The following ASTN2 variants were observed in gnomAD, a reference collection of about 807,000 sequenced individuals.
ASTN2 encodes the protein astrotactin 2, also known as astrotactin-2.
ASTN2 carries 54 observed loss-of-function variants against 139.8 expected under a neutral mutation model. The observed-to-expected ratio is 0.39, with a 90% confidence interval of 0.31 to 0.48. The LOEUF (loss-of-function observed/expected upper bound fraction) is 0.48, where lower values mean the gene tolerates loss of function less well. ASTN2 is among the 20% of genes least tolerant of loss of function. ASTN2 has a pLI of 0.95. For missense variants in ASTN2, 1,565 were observed against 1,725.1 expected (o/e 0.91, Z 1.64); for synonymous variants, 756 against 719.5 (o/e 1.05, Z -0.81).
intron 13 of ASTN2, 90 bp from the exon 14 acceptor site, chr9:116,733,613 T>A (rs763216978): frequency 1.5e-4 from 232 of 1,533,742 alleles, no homozygotes; most frequent in Middle Eastern, 7.1e-4. Flanking sequence ...GTAGTCAGAA[T>A]AAAGACTCAT....
chr9:116,541,570 GCT>G (rs1851878716), intron 19 of ASTN2, among the ~76,000 whole-genome samples: 2 of 152,158 alleles, frequency 1.3e-5, no homozygotes, highest in Non-Finnish European at 2.9e-5. Context: ...AGGAATTACA[GCT>G]GATAGTACTA....
chr9:117,066,491 G>A (rs1400681143), intron 5 of ASTN2, among the ~76,000 whole-genome samples: 1 of 149,260 alleles, frequency 6.7e-6, no homozygotes. Context: ...GTGTGCATGT[G>A]TCTTTATACT....
intron 10 of ASTN2, among the ~76,000 whole-genome samples, chr9:116,893,438 C>T (rs1588390382): frequency 6.6e-6 from 1 of 152,184 alleles, no homozygotes; most frequent in South Asian, 2.1e-4. Context: ...ATTCTGCCCA[C>T]TCTAAAGCAG....
chr9:116,992,124 G>C (rs550831987), intron 7 of ASTN2, among the ~76,000 whole-genome samples: 5 of 152,130 alleles, frequency 3.3e-5, no homozygotes, highest in Non-Finnish European at 7.3e-5. Flanking sequence ...GGAGGATGGG[G>C]GCTTACATCC....
At chr9:116,712,225 C>T (rs1432899899) in intron 16 of ASTN2, among the ~76,000 whole-genome samples, 1 of 152,086 alleles carries the variant, frequency 6.6e-6, no homozygotes, top group East Asian at 1.9e-4. Flanking sequence ...TTCTCCATAC[C>T]CACCTGTGTT....
At chr9:116,482,368 AG>A (rs1320655126) in intron 20 of ASTN2, among the ~76,000 whole-genome samples, 2 of 152,070 alleles carry the variant, frequency 1.3e-5, no homozygotes, top group Non-Finnish European at 2.9e-5. Context: ...CCCTATCTCT[AG>A]GTTTATCATG....
At chr9:116,778,772 G>T (rs1830147237) in intron 13 of ASTN2, among the ~76,000 whole-genome samples, 1 of 152,142 alleles carries the variant, frequency 6.6e-6, no homozygotes, top group Admixed American at 6.5e-5. Flanking sequence ...ATACCCCTCT[G>T]CATTAAATAC....
At chr9:117,251,454 G>GA (rs1833536655) in intron 2 of ASTN2, among the ~76,000 whole-genome samples, 1 of 151,400 alleles carries the variant, frequency 6.6e-6, no homozygotes, top group Non-Finnish European at 1.5e-5. Context: ...CCTCTTCTTT[G>GA]AAAAAAACAT....
At chr9:117,314,337 A>G (rs546950480) in intron 1 of ASTN2, among the ~76,000 whole-genome samples, 42 of 152,168 alleles carry the variant, frequency 2.8e-4, no homozygotes, top group Middle Eastern at 6.8e-3. Context: ...ATGAAGACAC[A>G]GGGTTCAGAC....
intron 1 of ASTN2, among the ~76,000 whole-genome samples, chr9:117,400,804 G>A (rs1588014922): frequency 6.6e-6 from 1 of 152,142 alleles, no homozygotes; most frequent in East Asian, 1.9e-4. Context: ...TAGAGATGAG[G>A]GAAAGCCTGA....
intron 16 of ASTN2, among the ~76,000 whole-genome samples, chr9:116,710,686 T>C (rs1828127660): frequency 8.2e-6 from 1 of 122,642 alleles, no homozygotes; most frequent in African/African-American, 3.2e-5. Context: ...TGAGCTGAGA[T>C]CACACCATTG....
intron 4 of ASTN2, among the ~76,000 whole-genome samples, chr9:117,114,972 T>A (rs1269616604): frequency 3.3e-5 from 5 of 152,132 alleles, no homozygotes; most frequent in Non-Finnish European, 7.4e-5. Flanking sequence ...AGTTGAGCCT[T>A]CAGATGACTA....
Position 117,291,517 on chromosome 9 carries a change from C to A in ASTN2, c.443-4G>T, listed in dbSNP as rs527717228. 2 of 1,592,206 alleles carry A rather than the reference C, an allele frequency of 1.3e-6. No individual in the cohort carries two copies. The highest frequency in any genetic ancestry group is 4.5e-5 in the East Asian group (2 of 44,588). ...TCCGCTGCTGTGCCAGACATCTCTGCAAGACAAGACCCGAGGCACTGGGTG... is the reference window on the plus strand; with the variant it reads ...TCCGCTGCTGTGCCAGACATCTCTGAAAGACAAGACCCGAGGCACTGGGTG... On this transcript the variant is annotated splice_region_variant and splice_polypyrimidine_tract_variant and intron_variant, in intron 1 of 22. Transcript: ENST00000313400.
intron 20 of ASTN2, among the ~76,000 whole-genome samples, chr9:116,447,914 T>C (rs1468252057): frequency 6.6e-6 from 1 of 152,160 alleles, no homozygotes; most frequent in Non-Finnish European, 1.5e-5. Context: ...GAAGCTGCTA[T>C]TGGTCCCATC....
chr9:116,916,867 ATGAATGTAGT>A (rs1834464585), intron 10 of ASTN2, among the ~76,000 whole-genome samples: 1 of 151,964 alleles, frequency 6.6e-6, no homozygotes, highest in African/African-American at 2.4e-5. Flanking sequence ...CAAAACCAAT[ATGAATGTAGT>A]TGGTCTTCCC....
intron 17 of ASTN2, among the ~76,000 whole-genome samples, chr9:116,632,825 G>A (rs888605036): frequency 6.6e-6 from 1 of 152,168 alleles, no homozygotes; most frequent in African/African-American, 2.4e-5. Context: ...ATCTGTTAGT[G>A]GACTTACCAC....
At chr9:116,874,540 G>A (rs751790090) in intron 10 of ASTN2, among the ~76,000 whole-genome samples, 14 of 152,194 alleles carry the variant, frequency 9.2e-5, no homozygotes, top group Non-Finnish European at 1.9e-4. Flanking sequence ...CTGTGTGATG[G>A]AGGCAATAAT....
chr9:116,554,654 T>C (rs1852516090), intron 19 of ASTN2, among the ~76,000 whole-genome samples: 2 of 152,154 alleles, frequency 1.3e-5, no homozygotes, highest in Non-Finnish European at 2.9e-5. Flanking sequence ...CTCAGAACAT[T>C]CCAGAGGCAA....
intron 7 of ASTN2, among the ~76,000 whole-genome samples, chr9:116,986,160 G>GC (rs34143043): frequency 0.091 from 11,948 of 131,746 alleles, 1,121 homozygotes; most frequent in African/African-American, 0.25. Context: ...TGTCCAGGCT[G>GC]CCCCCCCCCA....
Sources: allele counts gnomAD v4.1 joint callset (sites outside exome capture counted in the v4.1 genomes callset), GRCh38; gene constraint gnomAD v4.1.1; transcripts MANE v1.5; gene names NCBI Gene and HGNC (gene_info 2026-07-23, HGNC 2026-07-21).